The following CFAP251 variants were observed in gnomAD, a reference collection of about 807,000 sequenced individuals.
CFAP251 encodes the protein cilia and flagella associated protein 251.
CFAP251 carries 93 observed loss-of-function variants against 126.7 expected under a neutral mutation model. The observed-to-expected ratio is 0.73, with a 90% CI of 0.62 to 0.87. The LOEUF (loss-of-function observed/expected upper bound fraction) is 0.87. Ranked by LOEUF, CFAP251 falls within the 40% of genes least tolerant of loss-of-function variation. The pLI, the probability that CFAP251 is intolerant of heterozygous loss-of-function variation, is 0.00. For missense variants in CFAP251, 1,287 were observed against 1,389.2 expected (o/e 0.93, Z 1.17); for synonymous variants, 503 against 506.9 (o/e 0.99, Z 0.10).
At chr12:121,934,215 T>C in intron 4 of CFAP251, 32 bp from the exon 5 acceptor site, 2 of 1,580,026 alleles carry the variant, frequency 1.3e-6, no homozygotes, top group Non-Finnish European at 8.7e-7. Context: ...GCATCTTGGA[T>C]GTTTCAAAGC....
intron 11 of CFAP251, 43 bp from the exon 12 acceptor site, chr12:121,958,229 C>T: frequency 6.2e-7 from 1 of 1,604,642 alleles, no homozygotes; most frequent in South Asian, 1.1e-5. Flanking sequence ...ATGCCCCATT[C>T]CCTGCAAACA....
At chr12:121,920,149 A>T (rs957024301) in intron 1 of CFAP251, among the ~76,000 whole-genome samples, 1 of 142,254 alleles carries the variant, frequency 7.0e-6, no homozygotes, top group African/African-American at 2.6e-5. Context: ...GTGCCACTGC[A>T]CTCCAGCCTG....
chr12:122,001,697 C>T, intron 21 of CFAP251, 99 bp downstream of exon 21: 1 of 876,518 alleles, frequency 1.1e-6, no homozygotes, highest in East Asian at 2.5e-5. Flanking sequence ...AGCCACTCTC[C>T]CTAAGACTGC....
intron 12 of CFAP251, 152 bp from the exon 13 acceptor site, chr12:121,958,791 A>G: frequency 9.5e-7 from 1 of 1,051,036 alleles, no homozygotes; most frequent in Non-Finnish European, 1.4e-6. Context: ...CGCTCACCCC[A>G]GGAGATCACG....
intron 3 of CFAP251, among the ~76,000 whole-genome samples, chr12:121,928,616 A>G: frequency 8.6e-6 from 1 of 116,204 alleles, no homozygotes; most frequent in African/African-American, 3.7e-5. Context: ...AGATAATTTT[A>G]TGTATATGTG....
At position 121,958,488 on chromosome 12, in the gene CFAP251, G is replaced by C. The variant is rs199772819; in HGVS notation, c.1947G>C (p.Gly649=). Residue 649 remains glycine, a synonymous_variant, in exon 12 of 22, where the codon GGG becomes GGC. Coordinates refer to ENST00000288912, the MANE Select transcript of CFAP251 (RefSeq NM_144668.6). ...QYLFSRVFEK[G]LGVQSLTYNP... ...TTTTCAGCAGGGTTTTTGAGAAGGG[G>C]CTTGGAGTCCAGAGTCTGACCTACA... is the stretch of plus-strand genomic sequence containing the variant. The C allele has an allele frequency of 6.2e-7, 1 of 1,614,226 alleles. No individual in the cohort carries two copies. Among genetic ancestry groups the C allele is most frequent in the Non-Finnish European group, 8.5e-7 (1 of 1,180,022 alleles).
intron 19 of CFAP251, chr12:121,999,394 G>T: frequency 6.0e-6 from 1 of 166,344 alleles, no homozygotes. Context: ...TCCCCCCGCC[G>T]AGACAGAGTT....
chr12:121,924,307 G>A (rs977731609), intron 3 of CFAP251, among the ~76,000 whole-genome samples: 8 of 150,846 alleles, frequency 5.3e-5, no homozygotes, highest in East Asian at 3.9e-4. Context: ...ATGGCGTCTC[G>A]CCACGCCATG....
At chr12:121,996,083 G>A (rs1883015801) in intron 19 of CFAP251, among the ~76,000 whole-genome samples, 1 of 152,190 alleles carries the variant, frequency 6.6e-6, no homozygotes, top group Non-Finnish European at 1.5e-5. Flanking sequence ...TGGCAGTGCT[G>A]CAAACTGGTG....
intron 14 of CFAP251, among the ~76,000 whole-genome samples, chr12:121,961,382 G>GTCCA (rs1464632717): frequency 7.6e-6 from 1 of 131,346 alleles, no homozygotes; most frequent in Non-Finnish European, 1.5e-5. Context: ...TCATCCATCT[G>GTCCA]TCCATCCATC....
chr12:121,962,096 T>C lies in CFAP251; in HGVS notation c.2426T>C (p.Leu809Pro), dbSNP rs778185388. The stretch of plus-strand genomic sequence containing the variant: ...TGGTACCCACCACTCACCAGGGAAC[T>C]CTTCCTGCTTATTTGCAACAGTGGC... ...MVWYPPLTRE[L>P]FLLICNSGYK... Residue 809 changes from leucine (L) to proline (P), a missense_variant, in exon 15 of 22, where the codon CTC (leucine) becomes CCC (proline). Leu to Pro is a moderately conservative substitution (Grantham distance 98). Coordinates refer to ENST00000288912, the MANE Select transcript of CFAP251 (RefSeq NM_144668.6). The C allele has an allele frequency of 2.5e-6, 4 of 1,614,032 alleles. 1 individual carries two copies. In the South Asian group the frequency reaches 4.4e-5, roughly 18 times the overall value.
At chr12:121,999,972 A>G (rs1883111051) in intron 20 of CFAP251, 28 bp downstream of exon 20, 1 of 1,560,488 alleles carries the variant, frequency 6.4e-7, no homozygotes, top group East Asian at 2.3e-5. Flanking sequence ...GATGTCTGGT[A>G]ACATCCTGGG....
Position 121,959,491 on chromosome 12 carries a change from G to A in CFAP251, c.2133+397G>A, listed in dbSNP as rs1233774269. 5 of 163,478 alleles carry A rather than the reference G, an allele frequency of 3.1e-5. No homozygotes were observed. The South Asian group carries it at 5.2e-4, about 17-fold the overall frequency. The allele number at this position is 163,478 out of a possible 1,614,324, so 10.1% of individuals were successfully genotyped here. On this transcript the variant is annotated intron_variant, in intron 13 of 21. Transcript: ENST00000288912. ...GCGCTCTCCATCCCCACACTGGTGC[G>A]GCCACTCCTCCGGTTTGTGTACACA...
intron 21 of CFAP251, 150 bp from the exon 22 acceptor site, chr12:122,003,502 G>T (rs1338993506): frequency 3.7e-6 from 2 of 546,318 alleles, no homozygotes; most frequent in East Asian, 7.9e-5. Flanking sequence ...GACCCCAGGA[G>T]TTCAAGGCTG....
intron 7 of CFAP251, chr12:121,948,637 T>G (rs1018724342): frequency 1.2e-5 from 2 of 168,460 alleles, no homozygotes; most frequent in Non-Finnish European, 2.5e-5. Flanking sequence ...GGAGAATTAC[T>G]TGAACCCAGG....
chr12:121,921,137 C>A, intron 1 of CFAP251, 149 bp from the exon 2 acceptor site: 1 of 889,566 alleles, frequency 1.1e-6, no homozygotes, highest in Non-Finnish European at 1.6e-6. Context: ...GCATGAGCCA[C>A]CGTGCCTGGT....
intron 3 of CFAP251, among the ~76,000 whole-genome samples, chr12:121,930,227 T>C (rs1041514285): frequency 1.4e-4 from 22 of 152,106 alleles, no homozygotes; most frequent in African/African-American, 5.1e-4. Flanking sequence ...CGTTGCCCAC[T>C]GCTGTAATTC....
intron 19 of CFAP251, chr12:121,998,881 C>A (rs1229562489): frequency 1.7e-5 from 2 of 117,946 alleles, no homozygotes; most frequent in South Asian, 2.8e-4. Flanking sequence ...AAGAGTGAGA[C>A]CCTGTATCAA....
chr12:121,936,320 G>A (rs1219174917), intron 5 of CFAP251, among the ~76,000 whole-genome samples: 1 of 152,152 alleles, frequency 6.6e-6, no homozygotes, highest in Non-Finnish European at 1.5e-5. Context: ...GGTGGTGCAT[G>A]CCTGTAGTCC....
Sources: gnomAD v4.1 joint callset for allele counts (sites outside exome capture counted in the v4.1 genomes callset) on GRCh38, gnomAD v4.1.1 for gene constraint, MANE v1.5 for transcripts, NCBI Gene and HGNC (gene_info 2026-07-23, HGNC 2026-07-21) for gene names.